PRKAG2: variants seen among roughly 807,000 people sequenced by gnomAD.
PRKAG2 encodes the protein protein kinase AMP-activated non-catalytic subunit gamma 2, also known as 5'-AMP-activated protein kinase subunit gamma-2.
In PRKAG2, 26 loss-of-function variants were observed where a neutral mutation model predicts 69.6. The observed-to-expected ratio is 0.37, with a 90% CI of 0.27 to 0.52. The LOEUF (loss-of-function observed/expected upper bound fraction) is 0.52. PRKAG2 is among the 20% of genes least tolerant of loss of function. The probability of loss-of-function intolerance (pLI) is 0.90; values close to 1 mark genes in which losing one functional copy is unlikely to be tolerated. For synonymous variants in PRKAG2, 293 were observed against 285.0 expected (o/e 1.03, Z -0.28); for missense variants, 557 against 740.0 (o/e 0.75, Z 2.87).
chr7:151,662,876 G>A (rs1830525265), intron 4 of PRKAG2, among the ~76,000 whole-genome samples: 1 of 152,096 alleles, frequency 6.6e-6, no homozygotes, highest in South Asian at 2.1e-4. Context: ...GAGTGACAGA[G>A]GGAGAATCTA....
intron 5 of PRKAG2, among the ~76,000 whole-genome samples, chr7:151,606,194 T>C (rs184797739): frequency 2.0e-5 from 3 of 152,296 alleles, no homozygotes; most frequent in Non-Finnish European, 4.4e-5. Context: ...CTACAAATTA[T>C]AATAAAATTT....
intron 1 of PRKAG2, among the ~76,000 whole-genome samples, chr7:151,839,313 G>A (rs1343241145): frequency 6.6e-6 from 1 of 152,218 alleles, no homozygotes; most frequent in Non-Finnish European, 1.5e-5. Context: ...GCTGGGGCAA[G>A]GCAGCGTGGC....
intron 1 of PRKAG2, among the ~76,000 whole-genome samples, chr7:151,872,289 G>C (rs928969968): frequency 1.3e-5 from 2 of 152,208 alleles, no homozygotes; most frequent in African/African-American, 4.8e-5. Flanking sequence ...TTACCCTGGG[G>C]GGGGGCTTTT....
intron 3 of PRKAG2, among the ~76,000 whole-genome samples, chr7:151,683,117 A>G (rs1281372439): frequency 6.6e-6 from 1 of 152,252 alleles, no homozygotes. Flanking sequence ...AGGCCCAGTG[A>G]ACAGCCCAGC....
rs567236568 is a variant in PRKAG2, at chr7:151,646,070, T to C, written c.685-13932A>G. On this transcript the variant is annotated intron_variant, in intron 4 of 15. Transcript: ENST00000287878. Reference sequence around the variant, plus strand: ...TGTTCATTGATTTATATCTATACTTTCATCATGACCACACTGTTTTGATTA... The same window carrying C: ...TGTTCATTGATTTATATCTATACTTCCATCATGACCACACTGTTTTGATTA... Among the ~76,000 whole-genome samples, 17 of 152,338 alleles carry C rather than the reference T, an allele frequency of 1.1e-4. 1 individual carries two copies. The South Asian group carries it at 3.3e-3, about 30-fold the overall frequency.
chr7:151,648,910 T>C (rs1827999193), intron 4 of PRKAG2, among the ~76,000 whole-genome samples: 1 of 51,102 alleles, frequency 2.0e-5, no homozygotes, highest in Non-Finnish European at 4.1e-5. Context: ...CAGGATTTTT[T>C]TTTTTTCCTT....
chr7:151,869,126 T>C (rs138663611), intron 1 of PRKAG2, among the ~76,000 whole-genome samples: 13 of 152,188 alleles, frequency 8.5e-5, no homozygotes, highest in African/African-American at 3.1e-4. Context: ...GAAAAGACAC[T>C]AGCAATGCAC....
At chr7:151,688,487 C>T (rs1835116150) in intron 3 of PRKAG2, among the ~76,000 whole-genome samples, 1 of 152,236 alleles carries the variant, frequency 6.6e-6, no homozygotes, top group East Asian at 1.9e-4. Context: ...GGGGAGGGTC[C>T]AGTGGCTGCG....
chr7:151,831,108 C>T lies in PRKAG2; in HGVS notation c.115-44567G>A, dbSNP rs549186039. Among the ~76,000 whole-genome samples the T allele has an allele frequency of 3.9e-5, 6 of 152,248 alleles. No individual in the cohort carries two copies. The South Asian group carries it at 1.2e-3, about 32-fold the overall frequency. Reference sequence around the variant, plus strand: ...TGTTGACAAGGATACAAATAAATTGCAATCCTCATATTGCTGGGAATTGCT... The same window carrying T: ...TGTTGACAAGGATACAAATAAATTGTAATCCTCATATTGCTGGGAATTGCT... On this transcript the variant is annotated intron_variant, in intron 1 of 15. Coordinates refer to ENST00000287878, the MANE Select transcript of PRKAG2 (RefSeq NM_016203.4).
rs1294889604 is a variant in PRKAG2 at position 151,756,450 on chromosome 7, CAG to C, written c.466+24700_466+24701del. Among the ~76,000 whole-genome samples, 5 of 152,228 alleles carry C rather than the reference CAG, an allele frequency of 3.3e-5. No individual in the cohort carries two copies. Among genetic ancestry groups the C allele is most frequent in the Admixed American group, 3.3e-4 (5 of 15,292 alleles). On this transcript the variant is annotated intron_variant, in intron 3 of 15. Coordinates refer to ENST00000287878, the MANE Select transcript of PRKAG2 (RefSeq NM_016203.4). The surrounding 1 kb of genome is among the most constrained non-coding windows in gnomAD (Gnocchi z 4.9). ...CATGGCTCAGGCACACGCAACGACT[CAG>C]TGGTGCCTCCAGGCGAGCGGGTACC...
At chr7:151,656,942 G>T (rs1281636232) in intron 4 of PRKAG2, among the ~76,000 whole-genome samples, 1 of 152,110 alleles carries the variant, frequency 6.6e-6, no homozygotes, top group Non-Finnish European at 1.5e-5. Flanking sequence ...TTCGAGACCA[G>T]CCTGGCCAAC....
intron 2 of PRKAG2, among the ~76,000 whole-genome samples, chr7:151,785,036 T>C (rs1586518822): frequency 6.6e-6 from 1 of 152,384 alleles, no homozygotes; most frequent in Middle Eastern, 3.4e-3. Context: ...GCCTTGCTCT[T>C]GGGCAAGCTA....
intron 3 of PRKAG2, among the ~76,000 whole-genome samples, chr7:151,691,895 C>G (rs1015057157): frequency 6.6e-6 from 1 of 152,158 alleles, no homozygotes; most frequent in Non-Finnish European, 1.5e-5. Context: ...AAACTGGAGA[C>G]AATTCAAACA....
chr7:151,617,282 A>AGGGAG (rs1820390687), intron 5 of PRKAG2, among the ~76,000 whole-genome samples: 6 of 7,148 alleles, frequency 8.4e-4, no homozygotes, highest in African/African-American at 1.2e-3. Context: ...GAGGGAGGGA[A>AGGGAG]AGAGGGAGGG....
At chr7:151,629,325 C>T (rs1409756331) in intron 5 of PRKAG2, among the ~76,000 whole-genome samples, 4 of 152,176 alleles carry the variant, frequency 2.6e-5, no homozygotes, top group Non-Finnish European at 5.9e-5. Context: ...AAGTCCCACC[C>T]CAGACCTAGA....
At position 151,875,319 on chromosome 7, in the gene PRKAG2, G is replaced by C. The variant is rs139773730; in HGVS notation, c.114+1188C>G. 6.6e-3 allele frequency among the ~76,000 whole-genome samples: 1,002 copies of C among 152,326 alleles called. 8 individuals are homozygous for C. The highest frequency in any genetic ancestry group is 0.011 in the Non-Finnish European group (761 of 68,036). On this transcript the variant is annotated intron_variant, in intron 1 of 15. Coordinates refer to ENST00000287878, the MANE Select transcript of PRKAG2 (RefSeq NM_016203.4). ...CCCTCTTCACCCAAGCGTTAGGCAC[G>C]TGTGGGCCGGAGTTTACACAGGAGG...
At position 151,719,421 on chromosome 7, in the gene PRKAG2, C is replaced by A. The variant is rs1013765050; in HGVS notation, c.467-43784G>T. Among the ~76,000 whole-genome samples, 1 of 152,120 alleles carries A rather than the reference C, an allele frequency of 6.6e-6. No individual in the cohort carries two copies. The highest frequency in any genetic ancestry group is 1.5e-5 in the Non-Finnish European group (1 of 68,024). ...ACACAGAGACCATGCTCCCAACCCA[C>A]CCCAAACCCGCCAGCACCCTCAGCC... On this transcript the variant is annotated intron_variant, in intron 3 of 15. Transcript: ENST00000287878. The surrounding 1 kb of genome is among the most constrained non-coding windows in gnomAD (Gnocchi z 5.2).
At chr7:151,706,890 G>T (rs951866576) in intron 3 of PRKAG2, among the ~76,000 whole-genome samples, 2 of 152,212 alleles carry the variant, frequency 1.3e-5, no homozygotes, top group South Asian at 2.1e-4. Flanking sequence ...GGACTAGATG[G>T]AGTAGGGCAC....
chr7:151,867,384 C>G (rs1302862400), intron 1 of PRKAG2, among the ~76,000 whole-genome samples: 1 of 152,176 alleles, frequency 6.6e-6, no homozygotes, highest in Non-Finnish European at 1.5e-5. Flanking sequence ...CCGAAACCTC[C>G]GGGAGGATCC....
Sources: gnomAD v4.1 joint callset for allele counts (sites outside exome capture counted in the v4.1 genomes callset) on GRCh38, gnomAD v4.1.1 for gene constraint, Gnocchi (gnomAD v3.1) non-coding constraint, MANE v1.5 for transcripts, NCBI Gene and HGNC (gene_info 2026-07-23, HGNC 2026-07-21) for gene names.